The following DLG2 variants were observed in gnomAD, a reference collection of about 807,000 sequenced individuals.
DLG2 encodes disks large homolog 2.
In DLG2, 45 loss-of-function variants were observed where a neutral mutation model predicts 132.5. That is an observed-to-expected ratio of 0.34 (90% CI 0.27 to 0.44). DLG2 has a LOEUF of 0.44. DLG2 is among the 20% of genes least tolerant of loss of function. The pLI is 1.00. For missense variants in DLG2, 1,045 were observed against 1,196.9 expected (o/e 0.87, Z 1.87); for synonymous variants, 424 against 419.6 (o/e 1.01, Z -0.13).
chr11:83,470,772 TA>T (rs1225234824), intron 24 of DLG2, among the ~76,000 whole-genome samples: 1 of 152,158 alleles, frequency 6.6e-6, no homozygotes, highest in Non-Finnish European at 1.5e-5. Flanking sequence ...GTATCTCATG[TA>T]AAATTTGCAG....
At position 83,507,504 on chromosome 11, in the gene DLG2, T is replaced by G. The variant is rs562353606; in HGVS notation, c.2194-23276A>C. Reference sequence around the variant, plus strand: ...ATATCCATATATATACACATATATATCCTCTATATATATATCCATATATAT... The same window carrying G: ...ATATCCATATATATACACATATATAGCCTCTATATATATATCCATATATAT... On this transcript the variant is annotated intron_variant, in intron 21 of 27. Coordinates refer to ENST00000376104, the MANE Select transcript of DLG2 (RefSeq NM_001142699.3). Among the ~76,000 whole-genome samples, 9 of 146,070 alleles carry G rather than the reference T, an allele frequency of 6.2e-5. No individual in the cohort carries two copies. In the South Asian group the frequency reaches 1.9e-3, roughly 31 times the overall value.
At chr11:85,299,394 T>A (rs1454849955) in intron 3 of DLG2, among the ~76,000 whole-genome samples, 2 of 152,168 alleles carry the variant, frequency 1.3e-5, no homozygotes, top group Non-Finnish European at 2.9e-5. Context: ...AGGGATTTTG[T>A]TTGTTCATCT....
chr11:85,479,631 A>G (rs1374471140), intron 3 of DLG2, among the ~76,000 whole-genome samples: 1 of 152,240 alleles, frequency 6.6e-6, no homozygotes, highest in African/African-American at 2.4e-5. Context: ...ATGCAAATTA[A>G]AACCAAAATG....
intron 7 of DLG2, among the ~76,000 whole-genome samples, chr11:84,308,480 T>G (rs1036968942): frequency 2.0e-5 from 3 of 152,238 alleles, no homozygotes; most frequent in African/African-American, 7.2e-5. Context: ...GGAGCCCAGC[T>G]GGCTTCACCC....
At chr11:84,088,063 T>C (rs1398995076) in intron 10 of DLG2, among the ~76,000 whole-genome samples, 1 of 152,194 alleles carries the variant, frequency 6.6e-6, no homozygotes, top group Non-Finnish European at 1.5e-5. Flanking sequence ...GCAAGTATTT[T>C]CTCTCATTAT....
chr11:85,215,991 G>A (rs1203034176), intron 4 of DLG2, among the ~76,000 whole-genome samples: 2 of 135,146 alleles, frequency 1.5e-5, no homozygotes, highest in Non-Finnish European at 3.1e-5. Flanking sequence ...AGATCATTAG[G>A]ATATAAAAAT....
At chr11:84,738,667 T>C (rs905286279) in intron 6 of DLG2, among the ~76,000 whole-genome samples, 1 of 152,178 alleles carries the variant, frequency 6.6e-6, no homozygotes, top group Non-Finnish European at 1.5e-5. Context: ...GAAACTCCCC[T>C]ACATTGCTGG....
At chr11:85,062,181 C>T (rs943802245) in intron 6 of DLG2, among the ~76,000 whole-genome samples, 4 of 151,678 alleles carry the variant, frequency 2.6e-5, no homozygotes, top group African/African-American at 9.7e-5. Context: ...ATAATGCTCT[C>T]TGAGCAATTC....
chr11:85,582,873 C>T (rs908908778), intron 3 of DLG2, among the ~76,000 whole-genome samples: 6 of 148,902 alleles, frequency 4.0e-5, no homozygotes, highest in Non-Finnish European at 5.9e-5. Context: ...TTTGTAAGGA[C>T]TGGCATACCC....
At chr11:85,332,627 C>A (rs2152842030) in intron 3 of DLG2, among the ~76,000 whole-genome samples, 1 of 152,134 alleles carries the variant, frequency 6.6e-6, no homozygotes, top group Non-Finnish European at 1.5e-5. Flanking sequence ...TGAGTTCATT[C>A]TTGTATATGG....
At chr11:85,281,324 C>A (rs2078209114) in intron 4 of DLG2, among the ~76,000 whole-genome samples, 1 of 151,956 alleles carries the variant, frequency 6.6e-6, no homozygotes, top group Non-Finnish European at 1.5e-5. Context: ...AGAAGCCCAT[C>A]TGATTTTCTT....
chr11:83,788,752 T>C (rs576195349), intron 17 of DLG2, among the ~76,000 whole-genome samples: 2 of 152,242 alleles, frequency 1.3e-5, no homozygotes, highest in African/African-American at 4.8e-5. Flanking sequence ...AATGTGATCA[T>C]GGCAAATAAA....
intron 5 of DLG2, among the ~76,000 whole-genome samples, chr11:85,149,902 A>C (rs1295348799): frequency 6.6e-6 from 1 of 152,088 alleles, no homozygotes; most frequent in East Asian, 1.9e-4. Flanking sequence ...TTAAAAACTA[A>C]GGAGAGCCAC....
In DLG2 at chr11:83,588,842, T is replaced by G. The variant is rs1254868581; in HGVS notation, c.1940+44369A>C. Among the ~76,000 whole-genome samples, 3 of 152,236 alleles carry G rather than the reference T, an allele frequency of 2.0e-5. No homozygotes were observed. The East Asian group carries it at 5.8e-4, about 29-fold the overall frequency. On this transcript the variant is annotated intron_variant, in intron 19 of 27. Coordinates refer to ENST00000376104, the MANE Select transcript of DLG2 (RefSeq NM_001142699.3). ...CAAGGCTCGAGATCTACATGAAGAA[T>G]GCAGAAGCGTCAGGAGCCGATGCGA...
At chr11:83,739,988 G>A (rs1170305109) in intron 18 of DLG2, among the ~76,000 whole-genome samples, 5 of 152,150 alleles carry the variant, frequency 3.3e-5, no homozygotes, top group Admixed American at 6.6e-5. Context: ...GTGATGACAA[G>A]TTTAGTGATA....
chr11:85,178,597 A>C (rs568291295), intron 4 of DLG2, among the ~76,000 whole-genome samples: 1 of 152,114 alleles, frequency 6.6e-6, no homozygotes, highest in East Asian at 1.9e-4. Flanking sequence ...CAGAGATAGA[A>C]GAAAATACAA....
rs1365109038 is a variant in DLG2, at chr11:83,457,359, A to G, written c.*2459T>C. Reference sequence around the variant, plus strand: ...CACAACAAATGGAGGTGTAAATTCTATTGGAAAAGACCCTCTCACCAATTT... The same window carrying G: ...CACAACAAATGGAGGTGTAAATTCTGTTGGAAAAGACCCTCTCACCAATTT... On this transcript the variant is annotated 3_prime_UTR_variant, in exon 28 of 28. Coordinates refer to ENST00000376104, the MANE Select transcript of DLG2 (RefSeq NM_001142699.3). The G allele has an allele frequency of 6.6e-6, 1 of 152,646 alleles. No individual in the cohort carries two copies. The highest frequency in any genetic ancestry group is 1.9e-4 in the East Asian group (1 of 5,206). The allele number at this position is 152,646 out of a possible 1,614,324, so 9.5% of individuals were successfully genotyped here.
At chr11:83,663,509 G>C (rs1269803469) in intron 18 of DLG2, among the ~76,000 whole-genome samples, 1 of 152,196 alleles carries the variant, frequency 6.6e-6, no homozygotes, top group African/African-American at 2.4e-5. Flanking sequence ...AAGACACCCT[G>C]TTAAAAACAT....
intron 4 of DLG2, among the ~76,000 whole-genome samples, chr11:85,266,423 C>G (rs971884808): frequency 6.6e-6 from 1 of 151,992 alleles, no homozygotes; most frequent in Admixed American, 6.6e-5. Flanking sequence ...AACACATAGA[C>G]ACAGGGAGGG....
Sources: gnomAD v4.1 joint callset for allele counts (sites outside exome capture counted in the v4.1 genomes callset) on GRCh38, gnomAD v4.1.1 for gene constraint, MANE v1.5 for transcripts, NCBI Gene and HGNC (gene_info 2026-07-23, HGNC 2026-07-21) for gene names.